Variants in LUZP2 observed in about 807,000 individuals in gnomAD.
The protein encoded by LUZP2 is leucine zipper protein 2.
Under a neutral mutation model 51.6 loss-of-function variants are expected in LUZP2, and 52 were observed. The observed-to-expected ratio is 1.01, with a 90% CI of 0.81 to 1.27. The LOEUF is 1.27. LUZP2 is among the 50% of genes most tolerant of loss of function. LUZP2 has a pLI of 0.00. For synonymous variants in LUZP2, 154 were observed against 137.3 expected, an observed-to-expected ratio of 1.12 and a Z score of -0.85; for missense variants, 436 against 395.4, an observed-to-expected ratio of 1.10 and a Z score of -0.87.
At chr11:24,709,581 T>C (rs1169818707) in intron 1 of LUZP2, among the ~76,000 whole-genome samples, 1 of 152,172 alleles carries the variant, frequency 6.6e-6, no homozygotes, top group Non-Finnish European at 1.5e-5. Context: ...TTTAAGGCTA[T>C]GATTGAGGAA....
At chr11:24,561,722 G>C (rs1852047077) in intron 1 of LUZP2, among the ~76,000 whole-genome samples, 1 of 151,842 alleles carries the variant, frequency 6.6e-6, no homozygotes, top group African/African-American at 2.4e-5. Flanking sequence ...ACCTAATGCA[G>C]ATCATGGGTT....
At chr11:24,695,061 T>G (rs1028922746) in intron 1 of LUZP2, among the ~76,000 whole-genome samples, 5 of 152,018 alleles carry the variant, frequency 3.3e-5, no homozygotes, top group Non-Finnish European at 7.4e-5. Flanking sequence ...ACCTGCATGT[T>G]CAGCACATGT....
At chr11:24,850,197 C>T (rs185973303) in intron 5 of LUZP2, among the ~76,000 whole-genome samples, 9 of 152,118 alleles carry the variant, frequency 5.9e-5, no homozygotes, top group Non-Finnish European at 1.0e-4. Context: ...AAGTCATTGC[C>T]CATGCCTATG....
intron 2 of LUZP2, 60 bp downstream of exon 2, chr11:24,729,346 T>A: frequency 1.2e-6 from 1 of 815,024 alleles, no homozygotes; most frequent in Non-Finnish European, 1.9e-6. Context: ...ATTTTCTGAG[T>A]GGATTGACAT....
chr11:24,623,249 G>GAAAAAA (rs60679149), intron 1 of LUZP2, among the ~76,000 whole-genome samples: 1 of 150,980 alleles, frequency 6.6e-6, no homozygotes, highest in African/African-American at 2.4e-5. Context: ...ATGGGAAAAG[G>GAAAAAA]AAAAAAAAAT....
At chr11:24,921,781 C>T (rs942920326) in intron 7 of LUZP2, among the ~76,000 whole-genome samples, 2 of 152,064 alleles carry the variant, frequency 1.3e-5, no homozygotes, top group Admixed American at 6.6e-5. Flanking sequence ...ATTTGAATGT[C>T]TACAGATTTT....
intron 1 of LUZP2, among the ~76,000 whole-genome samples, chr11:24,630,125 C>A (rs1375750285): frequency 1.3e-5 from 2 of 149,702 alleles, no homozygotes; most frequent in Non-Finnish European, 3.0e-5. Flanking sequence ...TAAATATTTT[C>A]TTGCATCCTG....
intron 1 of LUZP2, among the ~76,000 whole-genome samples, chr11:24,540,195 G>T (rs1295844623): frequency 6.6e-6 from 1 of 152,044 alleles, no homozygotes; most frequent in African/African-American, 2.4e-5. Context: ...ATTAAACCAT[G>T]TCTCTCTTTA....
chr11:24,750,065 C>A (rs1650608952), intron 4 of LUZP2, among the ~76,000 whole-genome samples: 1 of 152,198 alleles, frequency 6.6e-6, no homozygotes, highest in Non-Finnish European at 1.5e-5. Context: ...TACTTGGAAT[C>A]TTCTAGACCA....
At chr11:24,987,426 G>T (rs999372811) in intron 9 of LUZP2, among the ~76,000 whole-genome samples, 5 of 151,858 alleles carry the variant, frequency 3.3e-5, no homozygotes, top group Non-Finnish European at 2.9e-5. Flanking sequence ...CACCAGAAAT[G>T]AAAAGCAATT....
intron 1 of LUZP2, among the ~76,000 whole-genome samples, chr11:24,715,158 A>T (rs971143873): frequency 5.4e-5 from 7 of 129,444 alleles, no homozygotes; most frequent in Admixed American, 4.5e-4. Context: ...ATAAAAGTAA[A>T]TGTTTGAAAA....
chr11:24,589,035 A>G (rs2133837863), intron 1 of LUZP2, among the ~76,000 whole-genome samples: 1 of 152,132 alleles, frequency 6.6e-6, no homozygotes, highest in Non-Finnish European at 1.5e-5. Context: ...CAGTTTGGTA[A>G]TTTATCCATC....
intron 4 of LUZP2, among the ~76,000 whole-genome samples, chr11:24,744,551 T>C (rs1245744444): frequency 6.6e-6 from 1 of 152,152 alleles, no homozygotes; most frequent in African/African-American, 2.4e-5. Flanking sequence ...GTGTCAGTTG[T>C]AATATCTCCT....
intron 7 of LUZP2, among the ~76,000 whole-genome samples, chr11:24,945,025 A>T (rs1398084063): frequency 6.6e-6 from 1 of 152,148 alleles, no homozygotes; most frequent in Admixed American, 6.6e-5. Flanking sequence ...ATTCTCTTTA[A>T]ATCTGTGCAG....
intron 1 of LUZP2, among the ~76,000 whole-genome samples, chr11:24,529,267 A>G (rs1291960393): frequency 6.6e-6 from 1 of 151,172 alleles, no homozygotes; most frequent in Non-Finnish European, 1.5e-5. Context: ...GTAGCTATCA[A>G]ATAATGAAGA....
At chr11:25,032,202 G>T (rs151178710) in intron 9 of LUZP2, among the ~76,000 whole-genome samples, 177 of 152,230 alleles carry the variant, frequency 1.2e-3, no homozygotes, top group African/African-American at 3.5e-3. Context: ...CTTGATTTTA[G>T]CCCATTGAGA....
intron 1 of LUZP2, among the ~76,000 whole-genome samples, chr11:24,499,572 T>A (rs1849926040): frequency 6.6e-6 from 1 of 152,156 alleles, no homozygotes. Flanking sequence ...GCCAAAGACT[T>A]CTGTTAACTT....
At chr11:24,773,627 G>C (rs1848819031) in intron 5 of LUZP2, among the ~76,000 whole-genome samples, 1 of 152,146 alleles carries the variant, frequency 6.6e-6, no homozygotes, top group African/African-American at 2.4e-5. Flanking sequence ...ATTCACAAAG[G>C]TGTGTGAATT....
intron 1 of LUZP2, among the ~76,000 whole-genome samples, chr11:24,604,832 C>T (rs11825031): frequency 0.017 from 2,527 of 151,848 alleles, 73 homozygotes; most frequent in African/African-American, 0.057. Context: ...TAGATATTCT[C>T]CAAATACCCA....
Sources: gnomAD v4.1 joint callset for allele counts (sites outside exome capture counted in the v4.1 genomes callset) on GRCh38, gnomAD v4.1.1 for gene constraint, MANE v1.5 for transcripts, NCBI Gene and HGNC (gene_info 2026-07-23, HGNC 2026-07-21) for gene names.